The following FARS2 variants were observed in gnomAD, a reference collection of about 807,000 sequenced individuals.
FARS2 encodes the protein phenylalanyl-tRNA synthetase 2, mitochondrial.
A neutral mutation model predicts 46.4 loss-of-function variants in FARS2; 40 were observed. The observed-to-expected ratio is 0.86, with a 90% CI of 0.67 to 1.12. The LOEUF is 1.12. Ranked by LOEUF, FARS2 falls within the 50% of genes most tolerant of loss-of-function variation. The probability of loss-of-function intolerance (pLI) is 0.00; values close to 1 mark genes in which losing one functional copy is unlikely to be tolerated. For missense variants in FARS2, 513 were observed against 567.9 expected (o/e 0.90, Z 0.98); for synonymous variants, 234 against 214.9 (o/e 1.09, Z -0.78).
chr6:5,560,393 A>G (rs960520210), intron 5 of FARS2, among the ~76,000 whole-genome samples: 3 of 152,126 alleles, frequency 2.0e-5, no homozygotes, highest in Admixed American at 6.5e-5. Flanking sequence ...TGTTAAACCA[A>G]TATTTTATTC....
rs2150990567 is a variant in FARS2 at position 5,771,284 on chromosome 6, T to C, written c.1218-7T>C. 6.2e-7 allele frequency: 1 copy of C among 1,613,938 alleles called. No homozygotes were observed. Reference sequence around the variant, plus strand: ...CGCACTCACCTGTGTTCTCTTCCTCTCTGTAGGACGCACAAGACCAGCCAC... The same window carrying C: ...CGCACTCACCTGTGTTCTCTTCCTCCCTGTAGGACGCACAAGACCAGCCAC... On this transcript the variant is annotated splice_polypyrimidine_tract_variant and splice_region_variant and intron_variant, in intron 6 of 6. Coordinates refer to ENST00000274680, the MANE Select transcript of FARS2 (RefSeq NM_006567.5).
intron 6 of FARS2, among the ~76,000 whole-genome samples, chr6:5,731,410 G>A (rs143339868): frequency 7.7e-4 from 117 of 152,072 alleles, no homozygotes; most frequent in African/African-American, 2.6e-3. Context: ...CTCAGAGACC[G>A]TGGCCCCAGA....
At chr6:5,482,457 A>G (rs1331456889) in intron 4 of FARS2, among the ~76,000 whole-genome samples, 1 of 152,172 alleles carries the variant, frequency 6.6e-6, no homozygotes, top group Non-Finnish European at 1.5e-5. Flanking sequence ...AGGTTCATTA[A>G]TGGAGAGCAT....
intron 6 of FARS2, among the ~76,000 whole-genome samples, chr6:5,735,962 T>C (rs1760918480): frequency 6.6e-6 from 1 of 152,194 alleles, no homozygotes; most frequent in Non-Finnish European, 1.5e-5. Context: ...GGAAGGATAT[T>C]AGATGAGTTA....
At chr6:5,651,762 A>T (rs1582674172) in intron 6 of FARS2, among the ~76,000 whole-genome samples, 1 of 152,170 alleles carries the variant, frequency 6.6e-6, no homozygotes, top group African/African-American at 2.4e-5. Flanking sequence ...GCCCTATTAG[A>T]TGGTAGTCAT....
intron 3 of FARS2, among the ~76,000 whole-genome samples, chr6:5,415,888 G>A (rs1762210767): frequency 6.6e-6 from 1 of 152,180 alleles, no homozygotes; most frequent in Admixed American, 6.5e-5. Context: ...TTTATATTTT[G>A]TAGAGATGGG....
intron 1 of FARS2, among the ~76,000 whole-genome samples, chr6:5,274,087 G>A (rs953853840): frequency 1.3e-5 from 2 of 152,088 alleles, no homozygotes; most frequent in Admixed American, 6.5e-5. Flanking sequence ...TTAGGGTTTC[G>A]TACGCTCCAC....
chr6:5,657,359 T>A (rs1777649447), intron 6 of FARS2, among the ~76,000 whole-genome samples: 1 of 152,216 alleles, frequency 6.6e-6, no homozygotes, highest in Non-Finnish European at 1.5e-5. Flanking sequence ...CTTGTTGAAA[T>A]GAAGGCATCT....
chr6:5,309,663 A>G (rs796121682), intron 1 of FARS2, among the ~76,000 whole-genome samples: 9 of 152,372 alleles, frequency 5.9e-5, no homozygotes, highest in South Asian at 2.1e-4. Context: ...GAAGATATGT[A>G]TGATGAAAAC....
At chr6:5,523,413 T>C (rs1769264495) in intron 4 of FARS2, among the ~76,000 whole-genome samples, 2 of 149,580 alleles carry the variant, frequency 1.3e-5, no homozygotes, top group African/African-American at 4.9e-5. Flanking sequence ...ATACATATGC[T>C]ATCTTTTTTT....
chr6:5,607,040 T>C (rs951628402), intron 5 of FARS2, among the ~76,000 whole-genome samples: 2 of 152,136 alleles, frequency 1.3e-5, no homozygotes, highest in South Asian at 2.1e-4. Flanking sequence ...CATAGAGCAC[T>C]GTCCCCCAAC....
At chr6:5,259,391 A>G (rs1370641628), upstream of FARS2, among the ~76,000 whole-genome samples, 4 of 152,240 alleles carry the variant, frequency 2.6e-5, no homozygotes, top group African/African-American at 9.6e-5. Context: ...TCCAAAGTCA[A>G]AGTCATTAAG....
intron 6 of FARS2, among the ~76,000 whole-genome samples, chr6:5,620,599 GTC>G (rs1401620776): frequency 1.3e-5 from 2 of 152,110 alleles, no homozygotes. Flanking sequence ...CACTTATTCT[GTC>G]TCTCCCCACC....
intron 4 of FARS2, among the ~76,000 whole-genome samples, chr6:5,463,462 A>G (rs1765354390): frequency 6.6e-6 from 1 of 152,186 alleles, no homozygotes; most frequent in Non-Finnish European, 1.5e-5. Context: ...TGTCATCTGT[A>G]AAAAAACTAA....
intron 2 of FARS2, among the ~76,000 whole-genome samples, chr6:5,391,747 T>G (rs1211601228): frequency 2.0e-5 from 3 of 152,194 alleles, no homozygotes; most frequent in Non-Finnish European, 4.4e-5. Context: ...GCCCTTTAAA[T>G]GTGTGTTTAA....
intron 4 of FARS2, among the ~76,000 whole-genome samples, chr6:5,485,890 G>T (rs563530472): frequency 6.6e-6 from 1 of 152,160 alleles, no homozygotes; most frequent in African/African-American, 2.4e-5. Flanking sequence ...AGCCACATGT[G>T]GCTGGTGCCT....
chr6:5,289,107 A>G (rs1473218196), intron 1 of FARS2, among the ~76,000 whole-genome samples: 2 of 152,218 alleles, frequency 1.3e-5, no homozygotes, highest in Admixed American at 1.3e-4. Flanking sequence ...TTTAAAATGG[A>G]AGAAAATGTT....
At chr6:5,296,292 T>C (rs1349463157) in intron 1 of FARS2, among the ~76,000 whole-genome samples, 2 of 151,744 alleles carry the variant, frequency 1.3e-5, no homozygotes, top group Non-Finnish European at 1.5e-5. Context: ...CAGGTGCCCA[T>C]CACCACGCCC....
At chr6:5,556,111 C>T (rs1054343259) in intron 5 of FARS2, among the ~76,000 whole-genome samples, 2 of 152,100 alleles carry the variant, frequency 1.3e-5, no homozygotes, top group Non-Finnish European at 2.9e-5. Context: ...AAAACTATTG[C>T]ATCCTACAGT....
Sources: gnomAD v4.1 joint callset for allele counts (sites outside exome capture counted in the v4.1 genomes callset) on GRCh38, gnomAD v4.1.1 for gene constraint, MANE v1.5 for transcripts, NCBI Gene and HGNC (gene_info 2026-07-23, HGNC 2026-07-21) for gene names.